Variants in OSER1 observed in about 807,000 individuals in gnomAD.
OSER1 encodes the protein oxidative stress responsive serine rich 1.
OSER1 carries 15 observed loss-of-function variants against 26.3 expected under a neutral mutation model. The observed-to-expected ratio is 0.57, with a 90% CI of 0.38 to 0.88. OSER1 has a LOEUF of 0.88. Ranked by LOEUF, OSER1 falls within the 40% of genes least tolerant of loss-of-function variation. OSER1 has a pLI of 0.00. For missense variants in OSER1, 313 were observed against 353.9 expected, an observed-to-expected ratio of 0.88 and a Z score of 0.93; for synonymous variants, 127 against 128.2, an observed-to-expected ratio of 0.99 and a Z score of 0.07.
rs148481028 is a variant in OSER1 at position 44,202,299 on chromosome 20, G to A, written c.191+662C>T. Among the ~76,000 whole-genome samples, 96 of 152,192 alleles carry A rather than the reference G, an allele frequency of 6.3e-4. 1 individual carries two copies. Among genetic ancestry groups the A allele is most frequent in the East Asian group, 4.4e-3 (23 of 5,172 alleles). On this transcript the variant is annotated intron_variant, in intron 3 of 3. Coordinates refer to ENST00000255174, the MANE Select transcript of OSER1 (RefSeq NM_016470.8). ...AGGCCAAGGCAGAACTGCTTAAACC[G>A]GGGAGGCGGAGGGTGCAGTGAGCTG...
At chr20:44,203,100 C>G (rs1244913248) in intron 2 of OSER1, 26 bp from the exon 3 acceptor site, 4 of 1,179,262 alleles carry the variant, frequency 3.4e-6, no homozygotes, top group Non-Finnish European at 5.1e-6. Context: ...AAGTTTACAG[C>G]TACAAAAAAC....
Position 44,196,968 on chromosome 20 carries a change from CA to C in OSER1, c.*83del. ...GAGCAGAAAGAGATGTCTTCTCACA[CA>C]AAGTGGCCACAAGGTCTGCCATTAA... On this transcript the variant is annotated 3_prime_UTR_variant, in exon 4 of 4. Transcript: ENST00000255174. The C allele has an allele frequency of 1.1e-6, 1 of 934,442 alleles. No individual in the cohort carries two copies. Among genetic ancestry groups the C allele is most frequent in the Non-Finnish European group, 1.7e-6 (1 of 596,530 alleles). The allele number at this position is 934,442 out of a possible 1,614,324, so 57.9% of individuals were successfully genotyped here. A position where few individuals can be genotyped will look rare whatever the true frequency, so the allele number is the denominator to read the frequency against.
At chr20:44,206,614 G>A (rs752099622) in intron 2 of OSER1, among the ~76,000 whole-genome samples, 10 of 147,246 alleles carry the variant, frequency 6.8e-5, no homozygotes, top group Non-Finnish European at 1.5e-4. Context: ...AAAAAGAAGT[G>A]GGGGGGAAGC....
At chr20:44,199,605 G>A (rs998064073) in intron 3 of OSER1, among the ~76,000 whole-genome samples, 7 of 152,356 alleles carry the variant, frequency 4.6e-5, no homozygotes, top group Non-Finnish European at 1.0e-4. Context: ...ATCGTATACT[G>A]AGGTTGCTAA....
intron 3 of OSER1, among the ~76,000 whole-genome samples, chr20:44,199,305 G>C (rs1005821145): frequency 1.3e-5 from 2 of 152,126 alleles, no homozygotes; most frequent in African/African-American, 4.8e-5. Flanking sequence ...TGAGGGACAG[G>C]GATAGTTATC....
chr20:44,199,823 T>C (rs2072962436), intron 3 of OSER1, among the ~76,000 whole-genome samples: 1 of 152,230 alleles, frequency 6.6e-6, no homozygotes. Context: ...TTTGATATTG[T>C]CTGCAGTTTC....
chr20:44,198,620 AAAAT>A (rs11474555), intron 3 of OSER1, among the ~76,000 whole-genome samples: 3 of 149,766 alleles, frequency 2.0e-5, no homozygotes, highest in Non-Finnish European at 3.0e-5. Context: ...CTCCGTCTCA[AAAAT>A]AAATAAATAA....
rs767100617 is a variant in OSER1 at position 44,197,005 on chromosome 20, T to G, written c.*47A>C. Reference sequence around the variant, plus strand: ...AAGGTCTGCCATTAACTAAATCTCTTTGACAAGCCTTCATTGGTTTAAAGC... The same window carrying G: ...AAGGTCTGCCATTAACTAAATCTCTGTGACAAGCCTTCATTGGTTTAAAGC... On this transcript the variant is annotated 3_prime_UTR_variant, in exon 4 of 4. Transcript: ENST00000255174. The G allele has an allele frequency of 1.5e-6, 2 of 1,371,590 alleles. No individual in the cohort carries two copies. The highest frequency in any genetic ancestry group is 4.6e-5 in the East Asian group (2 of 43,200). The allele number at this position is 1,371,590 out of a possible 1,614,324, so 85.0% of individuals were successfully genotyped here.
intron 3 of OSER1, among the ~76,000 whole-genome samples, chr20:44,198,394 T>C (rs1404752309): frequency 1.3e-5 from 2 of 152,112 alleles, no homozygotes; most frequent in South Asian, 2.1e-4. Flanking sequence ...CCGAGGCAGG[T>C]GGATCACGAG....
chr20:44,196,918 GAA>G lies in OSER1; in HGVS notation c.*132_*133del, dbSNP rs753897471. The stretch of plus-strand genomic sequence containing the variant: ...GAATGAAGATTAACTGAGATGCCAA[GAA>G]AAGTTTTTATTGCAAGCACAGTGAG... On this transcript the variant is annotated 3_prime_UTR_variant, in exon 4 of 4. Coordinates refer to ENST00000255174, the MANE Select transcript of OSER1 (RefSeq NM_016470.8). The G allele has an allele frequency of 4.7e-6, 3 of 639,110 alleles. No individual in the cohort carries two copies. The highest frequency in any genetic ancestry group is 3.6e-4 in the Middle Eastern group (1 of 2,772). 39.6% of individuals were successfully genotyped at this position (639,110 alleles called of 1,614,324 possible). A position where few individuals can be genotyped will look rare whatever the true frequency, so the allele number is the denominator to read the frequency against.
chr20:44,210,355 G>T (rs1385053409), intron 1 of OSER1, among the ~76,000 whole-genome samples: 2 of 152,232 alleles, frequency 1.3e-5, no homozygotes, highest in Admixed American at 6.5e-5. Flanking sequence ...GGGGCTCCGA[G>T]GCGAGAGAGA....
chr20:44,196,558 T>C lies in OSER1; in HGVS notation c.*494A>G, dbSNP rs1013155749. ...AAACCTTAGATCTCTGGCTTAACAA[T>C]AACAAGAGAAACCTTTATAGACACA... On this transcript the variant is annotated 3_prime_UTR_variant, in exon 4 of 4. Transcript: ENST00000255174. 6.5e-6 allele frequency: 1 copy of C among 154,974 alleles called. No homozygotes were observed. The highest frequency in any genetic ancestry group is 1.4e-5 in the Non-Finnish European group (1 of 69,732). 9.6% of individuals were successfully genotyped at this position (154,974 alleles called of 1,614,324 possible).
chr20:44,203,873 AT>A (rs1292875395), intron 2 of OSER1, among the ~76,000 whole-genome samples: 2 of 152,238 alleles, frequency 1.3e-5, no homozygotes, highest in East Asian at 3.8e-4. Flanking sequence ...TAGAAAAAAA[AT>A]ACTGTATTTC....
chr20:44,210,369 G>C (rs1372784588), intron 1 of OSER1, among the ~76,000 whole-genome samples: 1 of 152,236 alleles, frequency 6.6e-6, no homozygotes, highest in Admixed American at 6.5e-5. Context: ...AGAGAGAAAG[G>C]ACTGGAAGGG....
chr20:44,206,868 C>T lies in OSER1; in HGVS notation c.77+13G>A, dbSNP rs1199695869. On this transcript the variant is annotated intron_variant, in intron 2 of 3. Transcript: ENST00000255174. ...ACAAATAATTCCAAATAATATATTA[C>T]ATATTTAATTACCCTGATGCATCCA... 2 of 993,792 alleles carry T rather than the reference C, an allele frequency of 2.0e-6. No homozygotes were observed. Among genetic ancestry groups the T allele is most frequent in the African/African-American group, 1.6e-5 (1 of 62,774 alleles). 61.6% of individuals were successfully genotyped at this position (993,792 alleles called of 1,614,324 possible).
chr20:44,203,168 A>ATT, intron 2 of OSER1, 94 bp from the exon 3 acceptor site: 1 of 590,104 alleles, frequency 1.7e-6, no homozygotes, highest in Non-Finnish European at 3.0e-6. Flanking sequence ...TTATCAATAC[A>ATT]TTTTTTTTTC....
At chr20:44,210,072 C>G (rs2143607) in intron 1 of OSER1, 76,927 of 152,208 alleles carry the variant, frequency 0.51, 20,304 homozygotes, top group African/African-American at 0.65. Context: ...GCACAAAGTT[C>G]TTTCTTTTCA....
chr20:44,203,141 TA>T (rs2073000526), intron 2 of OSER1, 67 bp from the exon 3 acceptor site: 2 of 749,136 alleles, frequency 2.7e-6, no homozygotes, highest in South Asian at 3.3e-5. Flanking sequence ...TTGTTCTCAC[TA>T]GCTCAAATAC....
intron 3 of OSER1, among the ~76,000 whole-genome samples, chr20:44,202,255 G>GT (rs976647890): frequency 1.6e-4 from 25 of 152,144 alleles, no homozygotes; most frequent in African/African-American, 6.0e-4. Context: ...GGGCACCTGC[G>GT]TAACCCCAGG....
Sources: allele counts gnomAD v4.1 joint callset (sites outside exome capture counted in the v4.1 genomes callset), GRCh38; gene constraint gnomAD v4.1.1; transcripts MANE v1.5; gene names NCBI Gene and HGNC (gene_info 2026-07-23, HGNC 2026-07-21).